ELAPOR2: variants seen among roughly 807,000 people sequenced by gnomAD.
The protein encoded by ELAPOR2 is endosome-lysosome associated apoptosis and autophagy regulator family member 2, also known as endosome/lysosome-associated apoptosis and autophagy regulator family member 2.
In ELAPOR2, 89 loss-of-function variants were observed where a neutral mutation model predicts 120.7. That is an observed-to-expected ratio of 0.74 (90% CI 0.62 to 0.88). The LOEUF is 0.88. Among genes scored for constraint, ELAPOR2 ranks in the 40% least tolerant of loss-of-function variants. ELAPOR2 has a pLI of 0.00. For synonymous variants in ELAPOR2, 444 were observed against 444.9 expected (o/e 1.00, Z 0.03); for missense variants, 1,134 against 1,251.6 (o/e 0.91, Z 1.42).
chr7:86,995,137 T>G (rs575303989), intron 1 of ELAPOR2, among the ~76,000 whole-genome samples: 10 of 152,250 alleles, frequency 6.6e-5, no homozygotes, highest in African/African-American at 2.4e-4. Context: ...GGCAAGACAG[T>G]AGCCAGACAA....
At chr7:86,961,894 G>A (rs1183159213) in intron 2 of ELAPOR2, among the ~76,000 whole-genome samples, 1 of 152,188 alleles carries the variant, frequency 6.6e-6, no homozygotes, top group African/African-American at 2.4e-5. Context: ...CTAGCGGAGA[G>A]GAGGAGAGAG....
chr7:87,022,491 T>G lies in ELAPOR2; in HGVS notation c.189+36834A>C, dbSNP rs936279117. On this transcript the variant is annotated intron_variant, in intron 1 of 21. Coordinates refer to ENST00000450689, the MANE Select transcript of ELAPOR2 (RefSeq NM_001142749.3). Reference sequence around the variant, plus strand: ...AATCCAGTCTATCATTGTTGAACATTTGGGTTGGTTCCAAGTCTTTGCTAT... The same window carrying G: ...AATCCAGTCTATCATTGTTGAACATGTGGGTTGGTTCCAAGTCTTTGCTAT... Among the ~76,000 whole-genome samples the G allele has an allele frequency of 3.3e-5, 5 of 152,132 alleles. No homozygotes were observed. The East Asian group carries it at 9.6e-4, about 29-fold the overall frequency.
intron 1 of ELAPOR2, among the ~76,000 whole-genome samples, chr7:87,035,477 C>T (rs1161877776): frequency 6.6e-6 from 1 of 152,174 alleles, no homozygotes; most frequent in African/African-American, 2.4e-5. Context: ...ATATTTGAAG[C>T]TCATGTCATG....
chr7:86,912,555 C>A (rs1033345533), intron 14 of ELAPOR2, among the ~76,000 whole-genome samples: 4 of 152,190 alleles, frequency 2.6e-5, no homozygotes, highest in African/African-American at 9.6e-5. Flanking sequence ...GTGCTTTGTC[C>A]TTCACTCATA....
intron 2 of ELAPOR2, among the ~76,000 whole-genome samples, chr7:86,956,340 T>A (rs903674891): frequency 3.3e-5 from 5 of 152,210 alleles, no homozygotes; most frequent in African/African-American, 1.2e-4. Context: ...TACAGTAATA[T>A]GAACCCATTC....
chr7:86,967,359 G>T (rs190666664), intron 1 of ELAPOR2, among the ~76,000 whole-genome samples: 14 of 152,190 alleles, frequency 9.2e-5, no homozygotes, highest in African/African-American at 3.4e-4. Flanking sequence ...TGAGGCTGGG[G>T]CATGAGAATC....
intron 14 of ELAPOR2, 102 bp downstream of exon 14, chr7:86,912,839 A>C (rs1789377759): frequency 3.9e-5 from 53 of 1,363,840 alleles, no homozygotes; most frequent in Non-Finnish European, 5.0e-5. Context: ...TTTCAGAATA[A>C]ATAGCAACCT....
intron 2 of ELAPOR2, among the ~76,000 whole-genome samples, chr7:86,957,052 T>G (rs548436988): frequency 6.6e-6 from 1 of 152,144 alleles, no homozygotes; most frequent in Non-Finnish European, 1.5e-5. Context: ...TTCAGAGAAG[T>G]TCCCCCAACC....
At chr7:87,037,785 C>A (rs972379195) in intron 1 of ELAPOR2, among the ~76,000 whole-genome samples, 1 of 152,202 alleles carries the variant, frequency 6.6e-6, no homozygotes, top group East Asian at 1.9e-4. Context: ...TTATTTAATT[C>A]CTCTTTGATG....
intron 5 of ELAPOR2, 29 bp downstream of exon 5, chr7:86,941,989 A>G (rs76349903): frequency 0.039 from 54,281 of 1,390,332 alleles, 1,373 homozygotes; most frequent in Non-Finnish European, 0.046. Flanking sequence ...AAAAATTGGC[A>G]AAGAAGAAGG....
In ELAPOR2 at chr7:86,918,526, A is replaced by G; in HGVS notation, c.1509T>C (p.Thr503=). ...IPGFKPPTSM[T]GATGSELGRI... The stretch of plus-strand genomic sequence containing the variant: ...TTCCTAGTTCAGAACCCGTGGCTCC[A>G]GTCATAGATGTTGGTGGTCTATTTG... The change falls in exon 12 of 22, where the codon ACT becomes ACC. Residue 503 remains threonine (T), a synonymous_variant. Transcript: ENST00000450689. The G allele has an allele frequency of 6.2e-7, 1 of 1,610,728 alleles. No individual in the cohort carries two copies. Among genetic ancestry groups the G allele is most frequent in the Non-Finnish European group, 8.5e-7 (1 of 1,177,096 alleles).
rs189607675 is a variant in ELAPOR2 at position 86,956,014 on chromosome 7, A to G, written c.311-8092T>C. ...AAAAAGAAAACAAAAATAAAAGGGG[A>G]AAAAAAAAGAACTCTGCCTTAAAAG... On this transcript the variant is annotated intron_variant, in intron 2 of 21. Coordinates refer to ENST00000450689, the MANE Select transcript of ELAPOR2 (RefSeq NM_001142749.3). 2.5e-3 allele frequency among the ~76,000 whole-genome samples: 374 copies of G among 151,428 alleles called. 7 individuals carry two copies. The highest frequency in any genetic ancestry group is 0.021 in the Admixed American group (320 of 15,214).
chr7:87,033,608 A>AT (rs1172854390), intron 1 of ELAPOR2, among the ~76,000 whole-genome samples: 1 of 152,100 alleles, frequency 6.6e-6, no homozygotes, highest in African/African-American at 2.4e-5. Flanking sequence ...AAAATATGAC[A>AT]TTTTTTCCAA....
intron 16 of ELAPOR2, among the ~76,000 whole-genome samples, 160 bp from the exon 17 acceptor site, chr7:86,908,703 T>C (rs1260064555): frequency 6.6e-6 from 1 of 152,122 alleles, no homozygotes; most frequent in Non-Finnish European, 1.5e-5. Context: ...ACAAGAAATT[T>C]TCCAAAGTCT....
intron 2 of ELAPOR2, among the ~76,000 whole-genome samples, chr7:86,949,268 T>C (rs867287927): frequency 7.9e-5 from 12 of 152,222 alleles, no homozygotes; most frequent in Non-Finnish European, 8.8e-5. Context: ...TCTATGACAC[T>C]GAGTGAGTTA....
rs1562991234 is a variant in ELAPOR2, at chr7:87,059,652, T to A, written c.-139A>T. The A allele has an allele frequency of 1.0e-6, 1 of 967,402 alleles. No homozygotes were observed. Among genetic ancestry groups the A allele is most frequent in the Non-Finnish European group, 1.3e-6 (1 of 792,138 alleles). 59.9% of individuals were successfully genotyped at this position (967,402 alleles called of 1,614,324 possible). ...CGCTGCCCGTCCGCCCGCTGACAGC[T>A]CTGCTGCGCTCGCGGCCCGGGCAGC... On this transcript the variant is annotated 5_prime_UTR_variant, in exon 1 of 22. Coordinates refer to ENST00000450689, the MANE Select transcript of ELAPOR2 (RefSeq NM_001142749.3).
At chr7:86,939,800 T>A in intron 6 of ELAPOR2, among the ~76,000 whole-genome samples, 1 of 152,044 alleles carries the variant, frequency 6.6e-6, no homozygotes, top group Non-Finnish European at 1.5e-5. Context: ...TTGCAATGAT[T>A]AAATAATTTA....
chr7:87,023,380 T>C (rs1192061951), intron 1 of ELAPOR2, among the ~76,000 whole-genome samples: 2 of 152,186 alleles, frequency 1.3e-5, no homozygotes, highest in Non-Finnish European at 2.9e-5. Flanking sequence ...GTTGCAGATA[T>C]GCGGCATTAT....
chr7:86,895,681 G>C (rs950157653), intron 19 of ELAPOR2, among the ~76,000 whole-genome samples: 2 of 152,034 alleles, frequency 1.3e-5, no homozygotes, highest in African/African-American at 2.4e-5. Context: ...AATAAAATTA[G>C]AGAATTTGTT....
Sources: allele counts gnomAD v4.1 joint callset (sites outside exome capture counted in the v4.1 genomes callset), GRCh38; gene constraint gnomAD v4.1.1; transcripts MANE v1.5; gene names NCBI Gene and HGNC (gene_info 2026-07-23, HGNC 2026-07-21).